Variants in SLC2A5 observed in about 807,000 individuals in gnomAD.
SLC2A5 encodes solute carrier family 2, facilitated glucose transporter member 5.
SLC2A5 carries 56 observed loss-of-function variants against 50.3 expected under a neutral mutation model. The observed-to-expected ratio is 1.11, with a 90% CI of 0.90 to 1.39. The LOEUF (loss-of-function observed/expected upper bound fraction) is 1.39, where lower values mean the gene tolerates loss of function less well. SLC2A5 is among the 40% of genes most tolerant of loss of function. The pLI, the probability that SLC2A5 is intolerant of heterozygous loss-of-function variation, is 0.00. For synonymous variants in SLC2A5, 269 were observed against 281.9 expected (o/e 0.95, Z 0.46); for missense variants, 566 against 650.1 (o/e 0.87, Z 1.41).
At chr1:9,087,652 G>A (rs779343191) in intron 1 of SLC2A5, among the ~76,000 whole-genome samples, 4 of 152,070 alleles carry the variant, frequency 2.6e-5, no homozygotes, top group African/African-American at 4.8e-5. Context: ...CTGGACAGCC[G>A]CCCTGTCTTT....
At chr1:9,060,959 G>C (rs1279583622) in intron 1 of SLC2A5, among the ~76,000 whole-genome samples, 2 of 151,680 alleles carry the variant, frequency 1.3e-5, no homozygotes, top group Non-Finnish European at 2.9e-5. Context: ...AGAGAGGGGT[G>C]GGGGTGAGGG....
intron 1 of SLC2A5, among the ~76,000 whole-genome samples, chr1:9,085,431 T>C (rs1642392349): frequency 6.6e-6 from 1 of 152,230 alleles, no homozygotes; most frequent in African/African-American, 2.4e-5. Context: ...TTTGAATTTG[T>C]CTAAAGACCT....
intron 2 of SLC2A5, among the ~76,000 whole-genome samples, chr1:9,083,972 G>A (rs1274930488): frequency 5.9e-5 from 9 of 151,546 alleles, no homozygotes; most frequent in South Asian, 2.1e-4. Flanking sequence ...GTGAAACCCC[G>A]TCTCTACTAA....
chr1:9,081,021 T>C (rs568834591), intron 2 of SLC2A5, among the ~76,000 whole-genome samples: 1 of 152,212 alleles, frequency 6.6e-6, no homozygotes, highest in Admixed American at 6.5e-5. Flanking sequence ...GGCAAATCAC[T>C]CGAGCTCAGG....
At chr1:9,038,161 AG>A (rs1641186437) in intron 10 of SLC2A5, 137 bp from the exon 11 acceptor site, 3 of 1,047,768 alleles carry the variant, frequency 2.9e-6, no homozygotes, top group Non-Finnish European at 2.8e-6. Flanking sequence ...GGCAGCACGT[AG>A]GGGGCAAACG....
At chr1:9,064,745 C>T (rs1157404835) in intron 1 of SLC2A5, among the ~76,000 whole-genome samples, 3 of 152,064 alleles carry the variant, frequency 2.0e-5, no homozygotes, top group African/African-American at 7.2e-5. Context: ...GACACCACAG[C>T]GCATACTCTA....
chr1:9,066,080 A>G (rs570684303), intron 1 of SLC2A5, among the ~76,000 whole-genome samples: 1 of 152,342 alleles, frequency 6.6e-6, no homozygotes, highest in African/African-American at 2.4e-5. Flanking sequence ...TTACAAATGA[A>G]TATCAGTGAG....
At chr1:9,075,050 C>G (rs1642264997) in intron 2 of SLC2A5, among the ~76,000 whole-genome samples, 1 of 151,776 alleles carries the variant, frequency 6.6e-6, no homozygotes, top group South Asian at 2.1e-4. Context: ...AAAAGAAGTG[C>G]TTTCCAAGCT....
chr1:9,065,792 G>A (rs993544480), intron 1 of SLC2A5, among the ~76,000 whole-genome samples: 30 of 152,140 alleles, frequency 2.0e-4, no homozygotes, highest in African/African-American at 6.5e-4. Context: ...GAGCCCAGGA[G>A]TTTGAGACCA....
intron 2 of SLC2A5, among the ~76,000 whole-genome samples, chr1:9,075,327 G>T (rs1195896012): frequency 6.6e-6 from 1 of 152,118 alleles, no homozygotes; most frequent in East Asian, 1.9e-4. Context: ...AAGAAGGCAG[G>T]TTAGCTCCTG....
rs1367577214 is a variant in SLC2A5 at position 9,035,259 on chromosome 1, A to G, written c.*2327T>C. ...TTGAACCCAGGGAGCAGACATCCAG[A>G]ACCATGAACTTCATAGCCTCCCCTG... On this transcript the variant is annotated 3_prime_UTR_variant, in exon 12 of 12. Coordinates refer to ENST00000377424, the MANE Select transcript of SLC2A5 (RefSeq NM_003039.3). 5.3e-5 allele frequency: 8 copies of G among 152,238 alleles called. No homozygotes were observed. 9.4% of individuals were successfully genotyped at this position (152,238 alleles called of 1,614,324 possible).
chr1:9,081,157 G>C (rs1306971638), intron 2 of SLC2A5, among the ~76,000 whole-genome samples: 20 of 151,634 alleles, frequency 1.3e-4, no homozygotes, highest in Non-Finnish European at 5.9e-5. Flanking sequence ...CTACTCAAGA[G>C]GCTGAGGTGG....
upstream of SLC2A5, among the ~76,000 whole-genome samples, chr1:9,091,471 A>G (rs182759380): frequency 4.6e-5 from 7 of 152,318 alleles, no homozygotes; most frequent in East Asian, 1.3e-3. Flanking sequence ...CTCACGTTCT[A>G]TGAACCTCTT....
At chr1:9,069,170 C>T (rs1474285730) in intron 1 of SLC2A5, among the ~76,000 whole-genome samples, 1 of 152,192 alleles carries the variant, frequency 6.6e-6, no homozygotes, top group Non-Finnish European at 1.5e-5. Flanking sequence ...CAGAGCGAAA[C>T]ATCTCACCAA....
At chr1:9,053,133 A>G (rs1312676918) in intron 3 of SLC2A5, among the ~76,000 whole-genome samples, 1 of 98,494 alleles carries the variant, frequency 1.0e-5, no homozygotes, top group Non-Finnish European at 1.8e-5. Context: ...TATATTACAT[A>G]TATTTATATG....
At chr1:9,061,195 T>A (rs113671240) in intron 1 of SLC2A5, among the ~76,000 whole-genome samples, 1 of 148,866 alleles carries the variant, frequency 6.7e-6, no homozygotes, top group East Asian at 2.0e-4. Context: ...GGTGGAAGGA[T>A]CACTTGAGCA....
chr1:9,059,273 G>C (rs951724652), intron 1 of SLC2A5, among the ~76,000 whole-genome samples: 2 of 149,220 alleles, frequency 1.3e-5, no homozygotes, highest in Middle Eastern at 3.3e-3. Flanking sequence ...CTCCCAAATA[G>C]CTGGGACTAC....
intron 4 of SLC2A5, among the ~76,000 whole-genome samples, chr1:9,046,685 T>C (rs950866554): frequency 2.6e-5 from 4 of 151,994 alleles, no homozygotes; most frequent in African/African-American, 9.7e-5. Flanking sequence ...TGTGTGTGTG[T>C]GTGTGTGTGT....
At chr1:9,039,441 T>A (rs1048431986) in intron 8 of SLC2A5, 111 bp downstream of exon 8, 4 of 722,230 alleles carry the variant, frequency 5.5e-6, no homozygotes, top group Non-Finnish European at 8.9e-6. Context: ...TAGTAGCGGC[T>A]GGTCCTCCAC....
Sources: allele counts gnomAD v4.1 joint callset (sites outside exome capture counted in the v4.1 genomes callset), GRCh38; gene constraint gnomAD v4.1.1; transcripts MANE v1.5; gene names NCBI Gene and HGNC (gene_info 2026-07-23, HGNC 2026-07-21).